RANBP17: variants seen among roughly 807,000 people sequenced by gnomAD.
RANBP17 encodes ran-binding protein 17.
In RANBP17, 158 loss-of-function variants were observed where a neutral mutation model predicts 141.2. The observed-to-expected ratio is 1.12, with a 90% CI of 0.98 to 1.28. The LOEUF (loss-of-function observed/expected upper bound fraction) is 1.28, where lower values mean the gene tolerates loss of function less well. Ranked by LOEUF, RANBP17 falls within the 50% of genes most tolerant of loss-of-function variation. The probability of loss-of-function intolerance (pLI) is 0.00; values close to 1 mark genes in which losing one functional copy is unlikely to be tolerated. For missense variants in RANBP17, 1,438 were observed against 1,290.7 expected, an observed-to-expected ratio of 1.11 and a Z score of -1.75; for synonymous variants, 430 against 450.0, an observed-to-expected ratio of 0.96 and a Z score of 0.56.
chr5:170,983,135 G>C (rs1384533828), intron 14 of RANBP17: 4 of 516,808 alleles, frequency 7.7e-6, no homozygotes, highest in Non-Finnish European at 1.1e-5. Flanking sequence ...GGGAGAGATG[G>C]GATCTGAGAA....
chr5:171,071,089 C>T (rs1784607045), intron 14 of RANBP17, among the ~76,000 whole-genome samples: 2 of 152,036 alleles, frequency 1.3e-5, no homozygotes, highest in African/African-American at 4.8e-5. Flanking sequence ...GTTTGCCTTC[C>T]AAAAAGATTG....
At chr5:170,873,996 C>A (rs1043593736) in intron 1 of RANBP17, among the ~76,000 whole-genome samples, 1 of 152,048 alleles carries the variant, frequency 6.6e-6, no homozygotes, top group South Asian at 2.1e-4. Context: ...TATAAATTTC[C>A]CTCTTAATGC....
chr5:170,999,883 C>T (rs1249621333), intron 14 of RANBP17, among the ~76,000 whole-genome samples: 2 of 152,088 alleles, frequency 1.3e-5, no homozygotes, highest in Non-Finnish European at 2.9e-5. Flanking sequence ...AAACACTATA[C>T]CCATTAAACA....
Position 170,897,196 on chromosome 5 carries a change from G to A in RANBP17, c.489+1081G>A, listed in dbSNP as rs116810432. 2.4e-3 allele frequency: 1,752 copies of A among 715,736 alleles called. 25 individuals carry two copies. The African/African-American group carries it at 0.028, about 11-fold the overall frequency. 44.3% of individuals were successfully genotyped at this position (715,736 alleles called of 1,614,324 possible). A position where few individuals can be genotyped will look rare whatever the true frequency, so the allele number is the denominator to read the frequency against. ...ATACTTATGGCTCCGGAAATAATTGGGCTGTGGATCACAAAGTTTTTGGCA... is the reference window on the plus strand; with the variant it reads ...ATACTTATGGCTCCGGAAATAATTGAGCTGTGGATCACAAAGTTTTTGGCA... On this transcript the variant is annotated intron_variant, in intron 5 of 27. Coordinates refer to ENST00000523189, the MANE Select transcript of RANBP17 (RefSeq NM_022897.5).
intron 14 of RANBP17, among the ~76,000 whole-genome samples, chr5:171,008,104 A>C (rs1459971270): frequency 6.6e-6 from 1 of 152,216 alleles, no homozygotes; most frequent in African/African-American, 2.4e-5. Flanking sequence ...ATGATTAAAC[A>C]CCAAGGGAAG....
intron 1 of RANBP17, among the ~76,000 whole-genome samples, chr5:170,869,481 G>A (rs1767535573): frequency 6.6e-6 from 1 of 152,070 alleles, no homozygotes; most frequent in Non-Finnish European, 1.5e-5. Context: ...AGATCTGGTG[G>A]CCAGAAATCT....
chr5:171,198,760 G>C (rs1377676672), intron 18 of RANBP17, among the ~76,000 whole-genome samples: 1 of 152,190 alleles, frequency 6.6e-6, no homozygotes, highest in Non-Finnish European at 1.5e-5. Flanking sequence ...TGTTAGAATA[G>C]AAATTAGGAG....
chr5:171,191,661 T>A lies in RANBP17; in HGVS notation c.2039-8009T>A, dbSNP rs141383636. Among the ~76,000 whole-genome samples the A allele has an allele frequency of 7.5e-3, 1,135 of 150,534 alleles. 13 individuals carry two copies. Among genetic ancestry groups the A allele is most frequent in the African/African-American group, 0.026 (1,073 of 40,894 alleles). On this transcript the variant is annotated intron_variant, in intron 18 of 27. Coordinates refer to ENST00000523189, the MANE Select transcript of RANBP17 (RefSeq NM_022897.5). ...GAGGTCGCGTCACTGCACTCCAACC[T>A]GGGCAACAGAGCGAGACTCCGTCTC...
chr5:171,229,759 GAAAAAAAAA>G (rs758827854), intron 22 of RANBP17, among the ~76,000 whole-genome samples: 3 of 88,338 alleles, frequency 3.4e-5, no homozygotes, highest in African/African-American at 1.2e-4. Context: ...GATGCAAAAG[GAAAAAAAAA>G]AAAAAAAAAG....
chr5:170,988,431 T>C (rs541202954), intron 14 of RANBP17, among the ~76,000 whole-genome samples: 1 of 151,694 alleles, frequency 6.6e-6, no homozygotes, highest in Admixed American at 6.6e-5. Flanking sequence ...ATGTAGTATG[T>C]GACTAAATAC....
At chr5:171,015,750 T>C (rs1004218438) in intron 14 of RANBP17, among the ~76,000 whole-genome samples, 4 of 152,158 alleles carry the variant, frequency 2.6e-5, no homozygotes, top group South Asian at 2.1e-4. Flanking sequence ...AACTTTATTA[T>C]GCGAAACTAG....
Position 171,065,929 on chromosome 5 carries a change from C to T in RANBP17, c.1710+97552C>T, listed in dbSNP as rs190561216. Among the ~76,000 whole-genome samples the T allele has an allele frequency of 1.3e-3, 205 of 151,862 alleles. 1 individual carries two copies. The highest frequency in any genetic ancestry group is 4.7e-3 in the African/African-American group (195 of 41,382). ...AGATTGAAGTGCAGTGGTATGGTCT[C>T]GGTGCACTGCAGCCTCTGCCTCCCG... On this transcript the variant is annotated intron_variant, in intron 14 of 27. Coordinates refer to ENST00000523189, the MANE Select transcript of RANBP17 (RefSeq NM_022897.5).
chr5:170,927,874 C>T (rs1217114289), intron 12 of RANBP17, among the ~76,000 whole-genome samples: 2 of 151,972 alleles, frequency 1.3e-5, no homozygotes, highest in African/African-American at 4.8e-5. Context: ...ATTTTCATTT[C>T]TTTTGGATAG....
intron 25 of RANBP17, among the ~76,000 whole-genome samples, chr5:171,275,596 G>C (rs1455947403): frequency 6.6e-6 from 1 of 152,086 alleles, no homozygotes; most frequent in African/African-American, 2.4e-5. Context: ...TTGTGCCAGT[G>C]TATGATTTGA....
intron 20 of RANBP17, chr5:171,206,699 T>A (rs893081153): frequency 5.6e-6 from 1 of 179,780 alleles, no homozygotes; most frequent in Non-Finnish European, 1.2e-5. Flanking sequence ...TGGCCAAAAA[T>A]ATAACTAATA....
chr5:171,050,022 A>G (rs1782850643), intron 14 of RANBP17, among the ~76,000 whole-genome samples: 1 of 152,144 alleles, frequency 6.6e-6, no homozygotes, highest in Admixed American at 6.5e-5. Flanking sequence ...TTGGTAGTTG[A>G]TAGGAATAGC....
intron 11 of RANBP17, among the ~76,000 whole-genome samples, chr5:170,920,721 A>G (rs1275487933): frequency 6.6e-6 from 1 of 152,128 alleles, no homozygotes; most frequent in East Asian, 1.9e-4. Context: ...CAACAGTGTA[A>G]AAGCATTCCT....
At chr5:171,118,202 CAG>C in intron 14 of RANBP17, among the ~76,000 whole-genome samples, 1 of 152,198 alleles carries the variant, frequency 6.6e-6, no homozygotes, top group African/African-American at 2.4e-5. Context: ...TTTCGTACTT[CAG>C]CATTAATTTG....
chr5:171,273,063 G>A (rs1258204787), intron 25 of RANBP17, among the ~76,000 whole-genome samples: 3 of 152,150 alleles, frequency 2.0e-5, no homozygotes, highest in Admixed American at 6.5e-5. Flanking sequence ...TAATGCCTCC[G>A]AGGTAGCTCT....
Sources: gnomAD v4.1 joint callset for allele counts (sites outside exome capture counted in the v4.1 genomes callset) on GRCh38, gnomAD v4.1.1 for gene constraint, MANE v1.5 for transcripts, NCBI Gene and HGNC (gene_info 2026-07-23, HGNC 2026-07-21) for gene names.